Variants in BTBD16 observed in about 807,000 individuals in gnomAD.
BTBD16 encodes BTB/POZ domain-containing protein 16.
Under a neutral mutation model 67.4 loss-of-function variants are expected in BTBD16, and 66 were observed. That is an observed-to-expected ratio of 0.98 (90% CI 0.80 to 1.20). The LOEUF is 1.20. BTBD16 is among the 50% of genes most tolerant of loss of function. The pLI, the probability that BTBD16 is intolerant of heterozygous loss-of-function variation, is 0.00. For missense variants in BTBD16, 634 were observed against 616.0 expected, an observed-to-expected ratio of 1.03 and a Z score of -0.31; for synonymous variants, 242 against 236.4, an observed-to-expected ratio of 1.02 and a Z score of -0.22.
At chr10:122,322,240 C>G (rs1409604410) in intron 10 of BTBD16, among the ~76,000 whole-genome samples, 1 of 152,050 alleles carries the variant, frequency 6.6e-6, no homozygotes, top group Non-Finnish European at 1.5e-5. Context: ...AATTGATATT[C>G]TTTTTCTAAC....
chr10:122,327,787 G>A (rs774022144), intron 10 of BTBD16, among the ~76,000 whole-genome samples: 1 of 152,198 alleles, frequency 6.6e-6, no homozygotes, highest in Non-Finnish European at 1.5e-5. Context: ...TCAAAGGGAG[G>A]ATCAGGGTCT....
At chr10:122,334,018 A>T (rs1227943116) in intron 13 of BTBD16, among the ~76,000 whole-genome samples, 1 of 152,144 alleles carries the variant, frequency 6.6e-6, no homozygotes, top group Non-Finnish European at 1.5e-5. Context: ...TTGCCATCCA[A>T]TTTGGAGTGA....
chr10:122,313,412 G>A (rs576772315), intron 10 of BTBD16, among the ~76,000 whole-genome samples: 168 of 151,402 alleles, frequency 1.1e-3, no homozygotes, highest in African/African-American at 4.1e-3. Context: ...TTACAGGCAC[G>A]TGCCACCACA....
At chr10:122,297,348 T>C (rs1409146824) in intron 7 of BTBD16, among the ~76,000 whole-genome samples, 1 of 152,206 alleles carries the variant, frequency 6.6e-6, no homozygotes, top group Non-Finnish European at 1.5e-5. Context: ...TGCTCTTTGA[T>C]TCCATTTGTG....
chr10:122,295,531 G>C (rs544852689), intron 7 of BTBD16: 245 of 985,256 alleles, frequency 2.5e-4, no homozygotes, highest in Non-Finnish European at 2.8e-4. Flanking sequence ...CCTGTGTGAA[G>C]GATGTGGTAT....
chr10:122,279,116 G>C (rs1030060470), intron 3 of BTBD16, among the ~76,000 whole-genome samples: 2 of 152,200 alleles, frequency 1.3e-5, no homozygotes, highest in Non-Finnish European at 2.9e-5. Context: ...TTTGGACAGA[G>C]GGAGGGATGA....
intron 15 of BTBD16, 74 bp from the exon 16 acceptor site, chr10:122,337,943 C>T (rs2096465832): frequency 7.9e-7 from 1 of 1,267,980 alleles, no homozygotes; most frequent in Admixed American, 1.8e-5. Context: ...GTTAGTCCTT[C>T]CTCTTTCCCC....
At chr10:122,297,180 T>A (rs1452438246) in intron 7 of BTBD16, among the ~76,000 whole-genome samples, 2 of 152,388 alleles carry the variant, frequency 1.3e-5, no homozygotes, top group African/African-American at 4.8e-5. Context: ...TGACTTAACA[T>A]GTCACCTCAC....
At chr10:122,285,896 G>A (rs1212855548) in intron 4 of BTBD16, among the ~76,000 whole-genome samples, 5 of 152,140 alleles carry the variant, frequency 3.3e-5, no homozygotes, top group Non-Finnish European at 5.9e-5. Flanking sequence ...GGGTGACCCT[G>A]TAAGACTGGT....
At chr10:122,277,608 G>T (rs1360085364) in intron 3 of BTBD16, among the ~76,000 whole-genome samples, 2 of 152,240 alleles carry the variant, frequency 1.3e-5, no homozygotes, top group African/African-American at 4.8e-5. Flanking sequence ...AAGAGGAGCC[G>T]AGTGTGCAGA....
intron 7 of BTBD16, among the ~76,000 whole-genome samples, chr10:122,297,159 T>C (rs1343524687): frequency 6.6e-6 from 1 of 152,280 alleles, no homozygotes; most frequent in Non-Finnish European, 1.5e-5. Flanking sequence ...TGTGGTTATC[T>C]GTCTGAAAGT....
At chr10:122,288,432 C>G (rs898991306) in intron 5 of BTBD16, among the ~76,000 whole-genome samples, 1 of 152,214 alleles carries the variant, frequency 6.6e-6, no homozygotes, top group Non-Finnish European at 1.5e-5. Context: ...ATCCTTTGCT[C>G]TCTCTTTCTT....
chr10:122,285,713 G>A (rs1423534463), intron 4 of BTBD16, among the ~76,000 whole-genome samples: 2 of 152,158 alleles, frequency 1.3e-5, no homozygotes, highest in Non-Finnish European at 2.9e-5. Flanking sequence ...ACAGTGCCGG[G>A]GCTGAGAAAC....
At chr10:122,297,934 G>A in intron 8 of BTBD16, 97 bp downstream of exon 8, 2 of 1,043,282 alleles carry the variant, frequency 1.9e-6, no homozygotes, top group Non-Finnish European at 2.9e-6. Context: ...CTTCCCCCCA[G>A]AATATCTATT....
chr10:122,288,330 G>A (rs1381085453), intron 5 of BTBD16, among the ~76,000 whole-genome samples: 1 of 152,202 alleles, frequency 6.6e-6, no homozygotes, highest in Non-Finnish European at 1.5e-5. Context: ...AACAAGCCTG[G>A]TGCTTAGTAG....
chr10:122,287,513 C>T, intron 5 of BTBD16: 1 of 983,280 alleles, frequency 1.0e-6, no homozygotes, highest in Non-Finnish European at 1.2e-6. Flanking sequence ...AGATGAAATC[C>T]CAGTGCCCTG....
At chr10:122,282,272 C>A (rs535241787) in intron 3 of BTBD16, among the ~76,000 whole-genome samples, 74 of 152,310 alleles carry the variant, frequency 4.9e-4, no homozygotes, top group South Asian at 2.3e-3. Context: ...ACGTGTCACC[C>A]AAGCCACGAG....
intron 10 of BTBD16, among the ~76,000 whole-genome samples, chr10:122,316,790 C>CT (rs528679644): frequency 0.027 from 3,809 of 142,928 alleles, 66 homozygotes; most frequent in African/African-American, 0.06. Flanking sequence ...GCACTGTAGA[C>CT]TTTTTTTTTT....
chr10:122,282,455 G>A (rs925611561), intron 3 of BTBD16, among the ~76,000 whole-genome samples: 5 of 152,194 alleles, frequency 3.3e-5, no homozygotes, highest in Non-Finnish European at 5.9e-5. Context: ...TCCCACCCAT[G>A]CTTCCTGCAT....
Sources: allele counts gnomAD v4.1 joint callset (sites outside exome capture counted in the v4.1 genomes callset), GRCh38; gene constraint gnomAD v4.1.1; transcripts MANE v1.5; gene names NCBI Gene and HGNC (gene_info 2026-07-23, HGNC 2026-07-21).